Variants in GSTA1 observed in about 807,000 individuals in gnomAD.
GSTA1 encodes glutathione S-transferase A1.
GSTA1 carries 23 observed loss-of-function variants against 21.5 expected under a neutral mutation model. The ratio of observed to expected loss-of-function variants is 1.07; its 90% CI spans 0.77 to 1.52. The LOEUF (loss-of-function observed/expected upper bound fraction) is 1.52, where lower values mean the gene tolerates loss of function less well. Among genes scored for constraint, GSTA1 ranks in the 40% most tolerant of loss-of-function variants. The pLI, the probability that GSTA1 is intolerant of heterozygous loss-of-function variation, is 0.00. For synonymous variants in GSTA1, 125 were observed against 90.0 expected, an observed-to-expected ratio of 1.39 and a Z score of -2.20; for missense variants, 301 against 264.2, an observed-to-expected ratio of 1.14 and a Z score of -0.96.
At chr6:52,799,779 C>A (rs548135646) in intron 1 of GSTA1, among the ~76,000 whole-genome samples, 1 of 152,240 alleles carries the variant, frequency 6.6e-6, no homozygotes, top group East Asian at 1.9e-4. Context: ...TGGTGATGGA[C>A]ATGAATATCT....
At chr6:52,803,022 G>A (rs1373140231) in intron 1 of GSTA1, among the ~76,000 whole-genome samples, 2 of 152,074 alleles carry the variant, frequency 1.3e-5, no homozygotes, top group African/African-American at 4.8e-5. Flanking sequence ...TCAACCAGGG[G>A]GATTTTGCTC....
At chr6:52,794,019 G>T in intron 5 of GSTA1, 106 bp downstream of exon 5, 1 of 1,398,012 alleles carries the variant, frequency 7.2e-7, no homozygotes, top group South Asian at 1.2e-5. Flanking sequence ...TTGGTGTTCA[G>T]GAAGTCTCAC....
In GSTA1 at chr6:52,794,348, A is replaced by T. The variant is rs561983661; in HGVS notation, c.273-82T>A. 5.1e-4 allele frequency: 718 copies of T among 1,415,676 alleles called. 6 individuals carry two copies. In the South Asian group the frequency reaches 8.7e-3, roughly 17 times the overall value. The allele number at this position is 1,415,676 out of a possible 1,614,324, so 87.7% of individuals were successfully genotyped here. A position where few individuals can be genotyped will look rare whatever the true frequency, so the allele number is the denominator to read the frequency against. ...TTATAAAAACCTAAGGGAGTAGAGT[A>T]TCAGGTGATGGCAAAATAATTCACC... On this transcript the variant is annotated intron_variant, in intron 4 of 6. Transcript: ENST00000334575.
At chr6:52,792,128 G>T in intron 6 of GSTA1, 148 bp from the exon 7 acceptor site, 1 of 1,169,916 alleles carries the variant, frequency 8.5e-7, no homozygotes, top group Non-Finnish European at 1.2e-6. Flanking sequence ...CACCCAGTGA[G>T]AAATGAAGAT....
In GSTA1 at chr6:52,796,274, A is replaced by G; in HGVS notation, c.180T>C (p.Ile60=). The G allele has an allele frequency of 1.2e-6, 2 of 1,613,768 alleles. No individual in the cohort carries two copies. Among genetic ancestry groups the G allele is most frequent in the Non-Finnish European group, 8.5e-7 (1 of 1,179,956 alleles). Residue 60 remains isoleucine (I), a synonymous_variant, in exon 4 of 7, where the codon ATT becomes ATC. Coordinates refer to ENST00000334575, the MANE Select transcript of GSTA1 (RefSeq NM_145740.5). Reference sequence around the variant, plus strand: ...TGGTCTGCACCAGCTTCATCCCATCAATCTCAACCATTGGCACTTGCTGGA... The same window carrying G: ...TGGTCTGCACCAGCTTCATCCCATCGATCTCAACCATTGGCACTTGCTGGA... The part of the protein sequence containing the change: ...LMFQQVPMVE[I]DGMKLVQTRA...
intron 4 of GSTA1, among the ~76,000 whole-genome samples, chr6:52,795,813 C>G (rs1353548047): frequency 3.3e-5 from 5 of 152,152 alleles, no homozygotes; most frequent in Admixed American, 3.3e-4. Context: ...CCCAGTCCTT[C>G]ATCTACAGAC....
Position 52,796,230 on chromosome 6 carries a change from A to G in GSTA1, c.224T>C (p.Ile75Thr), listed in dbSNP as rs138688572. The G allele has an allele frequency of 2.9e-5, 46 of 1,613,718 alleles. No individual in the cohort carries two copies. In the East Asian group the frequency reaches 4.2e-4, roughly 15 times the overall value. The part of the protein sequence containing the change: ...LVQTRAILNY[I>T]ASKYNLYGKD... ...CCCATAGAGGTTGTATTTGCTGGCA[A>G]TGTAGTTGAGAATGGCTCTGGTCTG... Residue 75 changes from isoleucine to threonine, a missense_variant, in exon 4 of 7, where the codon ATT becomes ACT. Physicochemically the swap from Ile to Thr is moderately conservative, Grantham distance 89. Transcript: ENST00000334575.
At chr6:52,795,416 A>G (rs1251644988) in intron 4 of GSTA1, among the ~76,000 whole-genome samples, 1 of 152,146 alleles carries the variant, frequency 6.6e-6, no homozygotes, top group Non-Finnish European at 1.5e-5. Flanking sequence ...GAATATTGTT[A>G]TTCGCATTAT....
intron 2 of GSTA1, 58 bp from the exon 3 acceptor site, chr6:52,797,695 C>T (rs1414139022): frequency 2.8e-6 from 4 of 1,409,874 alleles, no homozygotes; most frequent in Non-Finnish European, 4.0e-6. Context: ...AGACTGTGGC[C>T]TTGAATGGCC....
intron 6 of GSTA1, among the ~76,000 whole-genome samples, chr6:52,792,521 C>T (rs1410768746): frequency 2.6e-5 from 4 of 152,046 alleles, no homozygotes; most frequent in African/African-American, 9.7e-5. Context: ...CAGACCGGCT[C>T]ATTGTGGGCA....
rs189914541 is a variant in GSTA1, at chr6:52,796,806, C to A, written c.140-492G>T. On this transcript the variant is annotated intron_variant, in intron 3 of 6. Coordinates refer to ENST00000334575, the MANE Select transcript of GSTA1 (RefSeq NM_145740.5). ...GATCTACCCACCTCAGCCTCCCAAA[C>A]TGGGATTACAGGCATGAGCCACTGC... 7.9e-3 allele frequency among the ~76,000 whole-genome samples: 1,206 copies of A among 151,886 alleles called. 11 individuals carry two copies. Among genetic ancestry groups the A allele is most frequent in the Non-Finnish European group, 0.014 (946 of 67,936 alleles).
intron 2 of GSTA1, among the ~76,000 whole-genome samples, chr6:52,797,920 A>C (rs1459546283): frequency 6.6e-6 from 1 of 152,218 alleles, no homozygotes; most frequent in African/African-American, 2.4e-5. Context: ...ATCACTGGAG[A>C]AAAGGCACTG....
Position 52,791,536 on chromosome 6 carries a change from A to ACAAATTGTATGT in GSTA1, c.*310_*321dup, listed in dbSNP as rs1357882514. ...CATTGACATTTTAATAGATTGTATG[A>ACAAATTGTATGT]CAAATTGTATGTTACGGGACAATTC... On this transcript the variant is annotated 3_prime_UTR_variant, in exon 7 of 7. Transcript: ENST00000334575. 3.7e-6 allele frequency: 1 copy of ACAAATTGTATGT among 267,984 alleles called. No individual in the cohort carries two copies. Among genetic ancestry groups the ACAAATTGTATGT allele is most frequent in the Non-Finnish European group, 7.0e-6 (1 of 142,470 alleles). The allele number at this position is 267,984 out of a possible 1,614,324, so 16.6% of individuals were successfully genotyped here. A position where few individuals can be genotyped will look rare whatever the true frequency, so the allele number is the denominator to read the frequency against.
intron 4 of GSTA1, among the ~76,000 whole-genome samples, chr6:52,795,422 A>C (rs1182076617): frequency 2.6e-5 from 4 of 152,294 alleles, no homozygotes; most frequent in Non-Finnish European, 5.9e-5. Flanking sequence ...TGTTATTCGC[A>C]TTATTTATTT....
intron 2 of GSTA1, 49 bp downstream of exon 2, chr6:52,799,132 G>A: frequency 6.5e-7 from 1 of 1,548,404 alleles, no homozygotes; most frequent in Non-Finnish European, 8.9e-7. Context: ...AAAAGTATGT[G>A]ATAACACAAT....
intron 3 of GSTA1, among the ~76,000 whole-genome samples, chr6:52,796,544 T>TATATATATA (rs371040479): frequency 2.7e-4 from 11 of 40,426 alleles, no homozygotes; most frequent in East Asian, 4.6e-4. Context: ...TATATATATA[T>TATATATATA]TTTTTTTTTT....
At chr6:52,798,366 G>A (rs1214291023) in intron 2 of GSTA1, among the ~76,000 whole-genome samples, 3 of 130,034 alleles carry the variant, frequency 2.3e-5, no homozygotes, top group East Asian at 2.2e-4. Context: ...TCATAGACAC[G>A]TAGGCTGCCC....
intron 1 of GSTA1, 123 bp downstream of exon 1, chr6:52,803,662 C>A (rs56358437): frequency 5.9e-6 from 1 of 170,494 alleles, no homozygotes; most frequent in Admixed American, 6.4e-5. Context: ...CACACCAAGA[C>A]GGCACAATAT....
At position 52,796,244 on chromosome 6, in the gene GSTA1, G is replaced by A. The variant is rs1161768309; in HGVS notation, c.210C>T (p.Ala70=). ...IDGMKLVQTR[A]ILNYIASKYN... ...ATTTGCTGGCAATGTAGTTGAGAAT[G>A]GCTCTGGTCTGCACCAGCTTCATCC... The change falls in exon 4 of 7, where the codon GCC becomes GCT. Residue 70 remains alanine, a synonymous_variant. Coordinates refer to ENST00000334575, the MANE Select transcript of GSTA1 (RefSeq NM_145740.5). 5 of 1,613,634 alleles carry A rather than the reference G, an allele frequency of 3.1e-6. No individual in the cohort carries two copies. The highest frequency in any genetic ancestry group is 2.7e-5 in the African/African-American group (2 of 74,774).
Sources: allele counts gnomAD v4.1 joint callset (sites outside exome capture counted in the v4.1 genomes callset), GRCh38; gene constraint gnomAD v4.1.1; transcripts MANE v1.5; gene names NCBI Gene and HGNC (gene_info 2026-07-23, HGNC 2026-07-21).